PLA2G6: variants seen among roughly 807,000 people sequenced by gnomAD.
PLA2G6 encodes 85/88 kDa calcium-independent phospholipase A2.
Under a neutral mutation model 83.8 loss-of-function variants are expected in PLA2G6, and 62 were observed. The observed-to-expected ratio is 0.74, with a 90% CI of 0.60 to 0.91. PLA2G6 has a LOEUF of 0.91. PLA2G6 is among the 40% of genes least tolerant of loss of function. The pLI is 0.00. For missense variants in PLA2G6, 944 were observed against 1,102.0 expected (o/e 0.86, Z 2.03); for synonymous variants, 417 against 449.8 (o/e 0.93, Z 0.92).
In PLA2G6 at chr22:38,161,912, G is replaced by A. The variant is rs565060171; in HGVS notation, c.209+7306C>T. Among the ~76,000 whole-genome samples the A allele has an allele frequency of 4.9e-4, 75 of 152,116 alleles. 2 individuals are homozygous for A. Among genetic ancestry groups the A allele is most frequent in the Non-Finnish European group, 1.6e-4 (11 of 68,006 alleles). ...GTGGCTCATGTCGTGATTTCAAAGT[G>A]AGAGCAATAGGGCCGGGCAGGGTGG... On this transcript the variant is annotated intron_variant, in intron 2 of 16. Coordinates refer to ENST00000332509, the MANE Select transcript of PLA2G6 (RefSeq NM_003560.4).
chr22:38,126,040 G>A (rs1456804955), intron 10 of PLA2G6, among the ~76,000 whole-genome samples: 1 of 152,164 alleles, frequency 6.6e-6, no homozygotes, highest in Non-Finnish European at 1.5e-5. Flanking sequence ...AGCAGCTGCT[G>A]AGATCTCCCC....
chr22:38,173,718 A>G (rs1195247498), intron 1 of PLA2G6, among the ~76,000 whole-genome samples: 1 of 152,092 alleles, frequency 6.6e-6, no homozygotes, highest in Non-Finnish European at 1.5e-5. Context: ...AGATCAAGAA[A>G]CTGAGGCCCA....
At chr22:38,124,701 G>A (rs1015563936) in intron 10 of PLA2G6, among the ~76,000 whole-genome samples, 2 of 152,138 alleles carry the variant, frequency 1.3e-5, no homozygotes, top group East Asian at 1.9e-4. Flanking sequence ...GGCAGAAGCC[G>A]CCTCTGCTCT....
chr22:38,145,863 C>T (rs938342645), intron 2 of PLA2G6: 24 of 580,492 alleles, frequency 4.1e-5, no homozygotes, highest in Non-Finnish European at 6.5e-5. Flanking sequence ...GACATAATGG[C>T]GTTTAGGTTA....
intron 2 of PLA2G6, among the ~76,000 whole-genome samples, chr22:38,162,162 G>C (rs944792277): frequency 6.9e-6 from 1 of 145,832 alleles, no homozygotes; most frequent in Non-Finnish European, 1.5e-5. Flanking sequence ...TGAGCTGAGA[G>C]TGTGCCACTG....
At chr22:38,129,248 C>T (rs749853373) in intron 8 of PLA2G6, among the ~76,000 whole-genome samples, 1 of 152,224 alleles carries the variant, frequency 6.6e-6, no homozygotes, top group Non-Finnish European at 1.5e-5. Context: ...TATAGCAAGC[C>T]CCGTGGTGGG....
At chr22:38,151,250 CTT>C (rs972971440) in intron 2 of PLA2G6, among the ~76,000 whole-genome samples, 8 of 146,412 alleles carry the variant, frequency 5.5e-5, no homozygotes, top group Admixed American at 6.8e-5. Context: ...TTCTTTCCTT[CTT>C]TTTTTTTTTT....
intron 11 of PLA2G6, 118 bp from the exon 12 acceptor site, chr22:38,121,027 C>T (rs2087500231): frequency 1.8e-6 from 2 of 1,117,516 alleles, no homozygotes; most frequent in Non-Finnish European, 2.6e-6. Context: ...TTTACCGAGG[C>T]CTAAGCAAAC....
chr22:38,126,853 T>G, intron 9 of PLA2G6: 1 of 372,694 alleles, frequency 2.7e-6, no homozygotes. Flanking sequence ...TTATTCCCTA[T>G]TGACAGGTGA....
Position 38,169,217 on chromosome 22 carries a change from C to T in PLA2G6, c.209+1G>A. Reference sequence around the variant, plus strand: ...GTATGTTCCCGCTGAGCATCACCCACCGGAATCCACTCTGTGAGTTCCTGG... The same window carrying T: ...GTATGTTCCCGCTGAGCATCACCCATCGGAATCCACTCTGTGAGTTCCTGG... On this transcript the variant is annotated splice_donor_variant, in intron 2 of 16. Transcript: ENST00000332509. LOFTEE classifies it high-confidence loss of function. The T allele has an allele frequency of 6.2e-7, 1 of 1,610,328 alleles. No homozygotes were observed. Among genetic ancestry groups the T allele is most frequent in the Non-Finnish European group, 8.5e-7 (1 of 1,176,682 alleles).
At chr22:38,149,028 G>C (rs1347185826) in intron 2 of PLA2G6, 2 of 155,046 alleles carry the variant, frequency 1.3e-5, no homozygotes, top group Non-Finnish European at 2.9e-5. Context: ...ACCATGCTCA[G>C]CTAATTTTTT....
At chr22:38,177,906 C>T (rs1280923132) in intron 1 of PLA2G6, among the ~76,000 whole-genome samples, 1 of 152,200 alleles carries the variant, frequency 6.6e-6, no homozygotes, top group East Asian at 1.9e-4. Context: ...GGCTCTTAAT[C>T]CTCAAACTGC....
chr22:38,164,417 AATGACCCCACCTCGTG>A (rs2090137810), intron 2 of PLA2G6, among the ~76,000 whole-genome samples: 1 of 152,232 alleles, frequency 6.6e-6, no homozygotes, highest in Non-Finnish European at 1.5e-5. Context: ...GGAGGTCAGT[AATGACCCCACCTCGTG>A]GGACTGTCGT....
At chr22:38,121,119 T>A in intron 11 of PLA2G6, 1 of 542,856 alleles carries the variant, frequency 1.8e-6, no homozygotes, top group Non-Finnish European at 3.3e-6. Flanking sequence ...GGCTCGCGCC[T>A]GTAATCCCAG....
chr22:38,129,479 T>C lies in PLA2G6; in HGVS notation c.1161A>G (p.Thr387=). The C allele has an allele frequency of 1.2e-6, 2 of 1,613,318 alleles. No individual in the cohort carries two copies. Among genetic ancestry groups the C allele is most frequent in the South Asian group, 2.2e-5 (2 of 91,066 alleles). Residue 387 remains threonine, a synonymous_variant, in exon 8 of 17, where the codon ACA becomes ACG. Transcript: ENST00000332509. ...GTCTGCCGATTTTGGAGGCTAGGAA[T>C]GTAGGAGTCTCCCCAAAGTCATTCG... is the stretch of plus-strand genomic sequence containing the variant. The part of the protein sequence containing the change: ...DTPNDFGETP[T]FLASKIGRLV...
intron 14 of PLA2G6, 111 bp from the exon 15 acceptor site, chr22:38,113,765 G>T (rs1353331788): frequency 1.0e-6 from 1 of 963,046 alleles, no homozygotes; most frequent in African/African-American, 1.6e-5. Context: ...ATGAGAACAG[G>T]GCAAGAGGTC....
chr22:38,145,822 CA>C (rs1302411216), intron 2 of PLA2G6, 169 bp from the exon 3 acceptor site: 5 of 661,206 alleles, frequency 7.6e-6, no homozygotes, highest in South Asian at 1.6e-5. Context: ...CACACACACA[CA>C]CACACACACA....
chr22:38,118,243 G>C (rs963445630), intron 12 of PLA2G6, among the ~76,000 whole-genome samples: 1 of 152,174 alleles, frequency 6.6e-6, no homozygotes, highest in Admixed American at 6.6e-5. Context: ...CAGTGTTGAT[G>C]GGCTGAAAAC....
chr22:38,154,345 T>C (rs746558876), intron 2 of PLA2G6, among the ~76,000 whole-genome samples: 2 of 152,202 alleles, frequency 1.3e-5, no homozygotes, highest in African/African-American at 2.4e-5. Flanking sequence ...GTCCTAGTGA[T>C]AGTGGCCACA....
Sources: allele counts gnomAD v4.1 joint callset (sites outside exome capture counted in the v4.1 genomes callset), GRCh38; gene constraint gnomAD v4.1.1; transcripts MANE v1.5; gene names NCBI Gene and HGNC (gene_info 2026-07-23, HGNC 2026-07-21).